The following MCUB variants were observed in gnomAD, a reference collection of about 807,000 sequenced individuals.
The protein encoded by MCUB is mitochondrial calcium uniporter dominant negative subunit beta.
MCUB carries 46 observed loss-of-function variants against 41.4 expected under a neutral mutation model. The observed-to-expected ratio is 1.11, with a 90% confidence interval of 0.88 to 1.42. The LOEUF (loss-of-function observed/expected upper bound fraction) is 1.42, where lower values mean the gene tolerates loss of function less well. MCUB is among the 40% of genes most tolerant of loss of function. The pLI is 0.00. For synonymous variants in MCUB, 148 were observed against 148.2 expected, an observed-to-expected ratio of 1.00 and a Z score of 0.01; for missense variants, 403 against 404.9, an observed-to-expected ratio of 1.00 and a Z score of 0.04.
At chr4:109,631,423 G>A (rs373328690) in intron 1 of MCUB, among the ~76,000 whole-genome samples, 46 of 152,160 alleles carry the variant, frequency 3.0e-4, no homozygotes, top group African/African-American at 1.0e-3. Context: ...CCTTCACATA[G>A]CTCTTTTTTA....
intron 1 of MCUB, among the ~76,000 whole-genome samples, chr4:109,609,596 G>A (rs1356311318): frequency 2.0e-5 from 3 of 152,168 alleles, no homozygotes; most frequent in Admixed American, 1.3e-4. Context: ...TCCTGGGAAT[G>A]TAGTCCAGCA....
At chr4:109,580,438 C>T (rs148009164) in intron 1 of MCUB, among the ~76,000 whole-genome samples, 10,358 of 152,236 alleles carry the variant, frequency 0.068, 520 homozygotes, top group Middle Eastern at 0.14. Context: ...AGTTCTAGAT[C>T]CCTGAGGATT....
chr4:109,567,701 T>G (rs1480053116), intron 1 of MCUB, among the ~76,000 whole-genome samples: 1 of 151,322 alleles, frequency 6.6e-6, no homozygotes, highest in Non-Finnish European at 1.5e-5. Context: ...CAGGGGCTTT[T>G]TATTTTATTT....
chr4:109,572,458 TTAG>T (rs1415922601), intron 1 of MCUB, among the ~76,000 whole-genome samples: 1 of 152,234 alleles, frequency 6.6e-6, no homozygotes. Flanking sequence ...GTACATTAAT[TTAG>T]TAGCATTTTA....
At chr4:109,676,494 T>C (rs1451632538) in intron 4 of MCUB, among the ~76,000 whole-genome samples, 4 of 152,186 alleles carry the variant, frequency 2.6e-5, no homozygotes, top group Non-Finnish European at 5.9e-5. Flanking sequence ...AAAGAACTTC[T>C]GAGCCCTCAC....
At chr4:109,642,118 A>G (rs1156495154) in intron 1 of MCUB, among the ~76,000 whole-genome samples, 2 of 152,212 alleles carry the variant, frequency 1.3e-5, no homozygotes, top group Non-Finnish European at 2.9e-5. Flanking sequence ...ATCCTGAAAC[A>G]TATGATTTTG....
At chr4:109,609,156 A>C (rs1203537391) in intron 1 of MCUB, among the ~76,000 whole-genome samples, 1 of 152,212 alleles carries the variant, frequency 6.6e-6, no homozygotes, top group Non-Finnish European at 1.5e-5. Context: ...CAGACCCCAC[A>C]AGAGAGTTCT....
At chr4:109,644,318 A>T (rs1159671185) in intron 1 of MCUB, among the ~76,000 whole-genome samples, 1 of 152,174 alleles carries the variant, frequency 6.6e-6, no homozygotes, top group Non-Finnish European at 1.5e-5. Context: ...AATAGAGAAG[A>T]CAAAAAACAA....
chr4:109,581,928 G>T (rs975102560), intron 1 of MCUB, among the ~76,000 whole-genome samples: 4 of 152,134 alleles, frequency 2.6e-5, no homozygotes, highest in Non-Finnish European at 5.9e-5. Context: ...TACACTGTTG[G>T]TGGGACTGTA....
In MCUB at chr4:109,660,351, C is replaced by G. The variant is rs543404522; in HGVS notation, c.332C>G (p.Ala111Gly). The change falls in exon 3 of 8, where the codon GCC becomes GGC. Residue 111 changes from alanine (A) to glycine (G), a missense_variant. Physicochemically the swap from Ala to Gly is moderately conservative, Grantham distance 60 (BLOSUM62 0). Coordinates refer to ENST00000394650, the MANE Select transcript of MCUB (RefSeq NM_017918.5). ...QNEDKGIKTAAIFTADGNMIS... is the reference protein window; with the variant it reads ...QNEDKGIKTAGIFTADGNMIS... ...GAAGATAAGGGTATCAAAACTGCAG[C>G]CATCTTCACAGCAGGTATATATGTA... 1.0e-5 allele frequency: 16 copies of G among 1,598,486 alleles called. No homozygotes were observed. In the African/African-American group the frequency reaches 1.9e-4, roughly 19 times the overall value.
intron 1 of MCUB, among the ~76,000 whole-genome samples, chr4:109,611,493 A>C (rs1342281584): frequency 6.6e-6 from 1 of 152,240 alleles, no homozygotes; most frequent in Non-Finnish European, 1.5e-5. Context: ...TTTTTACAGA[A>C]GCTAAGCAAA....
chr4:109,563,916 A>G (rs1265299066), intron 1 of MCUB, among the ~76,000 whole-genome samples: 1 of 151,916 alleles, frequency 6.6e-6, no homozygotes, highest in East Asian at 1.9e-4. Flanking sequence ...ATAAAAGTAA[A>G]GGAAAAAGCC....
intron 4 of MCUB, among the ~76,000 whole-genome samples, chr4:109,680,880 A>G (rs739733): frequency 0.1 from 15,367 of 152,232 alleles, 887 homozygotes; most frequent in Non-Finnish European, 0.13. Context: ...GTGATAATGA[A>G]CAATTACAGC....
chr4:109,604,329 G>A (rs149664165), intron 1 of MCUB, among the ~76,000 whole-genome samples: 4,363 of 151,950 alleles, frequency 0.029, 185 homozygotes, highest in African/African-American at 0.097. Flanking sequence ...CTATTGTCCT[G>A]TGACCCTGCC....
At chr4:109,684,772 A>C (rs1729799059) in intron 6 of MCUB, 126 bp downstream of exon 6, 1 of 591,874 alleles carries the variant, frequency 1.7e-6, no homozygotes, top group South Asian at 2.2e-5. Context: ...GAGCTGGTAA[A>C]TTTTTTATTG....
chr4:109,678,743 A>G (rs1729640360), intron 4 of MCUB, among the ~76,000 whole-genome samples: 1 of 130,892 alleles, frequency 7.6e-6, no homozygotes, highest in African/African-American at 3.0e-5. Context: ...CACATCCCAG[A>G]CGGGGCGGCC....
Position 109,661,805 on chromosome 4 carries a change from G to A in MCUB, c.346+1440G>A, listed in dbSNP as rs139419611. Reference sequence around the variant, plus strand: ...CCCAGCACTTTGGGAGGCCGAGGTGGGTGGATCACCTGAGGTCAGGGGTTT... The same window carrying A: ...CCCAGCACTTTGGGAGGCCGAGGTGAGTGGATCACCTGAGGTCAGGGGTTT... On this transcript the variant is annotated intron_variant, in intron 3 of 7. Transcript: ENST00000394650. 3.8e-3 allele frequency among the ~76,000 whole-genome samples: 571 copies of A among 152,204 alleles called. 17 individuals are homozygous for A. The South Asian group carries it at 0.06, about 16-fold the overall frequency.
rs148944897 is a variant in MCUB, at chr4:109,652,174, A to G, written c.100-6837A>G. Among the ~76,000 whole-genome samples the G allele has an allele frequency of 5.0e-3, 758 of 152,280 alleles. 3 individuals carry two copies. The highest frequency in any genetic ancestry group is 0.018 in the African/African-American group (728 of 41,544). On this transcript the variant is annotated intron_variant, in intron 1 of 7. Transcript: ENST00000394650. The stretch of plus-strand genomic sequence containing the variant: ...CCAGTTATGTCGGATTAGGGCCTAT[A>G]CTAATGACCTCATTTTAACTTAACC...
intron 5 of MCUB, among the ~76,000 whole-genome samples, chr4:109,683,859 A>G (rs896684768): frequency 2.6e-5 from 4 of 152,208 alleles, no homozygotes; most frequent in Admixed American, 6.5e-5. Context: ...TGGGTTTCAG[A>G]GGATGACTTC....
Sources: gnomAD v4.1 joint callset for allele counts (sites outside exome capture counted in the v4.1 genomes callset) on GRCh38, gnomAD v4.1.1 for gene constraint, MANE v1.5 for transcripts, NCBI Gene and HGNC (gene_info 2026-07-23, HGNC 2026-07-21) for gene names.